Variants in CCDC92B observed in about 807,000 individuals in gnomAD.
CCDC92B encodes the protein coiled-coil domain-containing 92B.
A neutral mutation model predicts 5.6 loss-of-function variants in CCDC92B; 2 were observed. The observed-to-expected ratio is 0.36, with a 90% confidence interval of 0.15 to 1.12. The LOEUF (loss-of-function observed/expected upper bound fraction) is 1.12. Among genes scored for constraint, CCDC92B ranks in the 50% most tolerant of loss-of-function variants. The pLI, the probability that CCDC92B is intolerant of heterozygous loss-of-function variation, is 0.40. For missense variants in CCDC92B, 271 were observed against 262.2 expected, an observed-to-expected ratio of 1.03 and a Z score of -0.23; for synonymous variants, 115 against 122.3, an observed-to-expected ratio of 0.94 and a Z score of 0.39.
intron 3 of CCDC92B, among the ~76,000 whole-genome samples, chr17:2,727,288 C>T (rs1011105321): frequency 9.9e-5 from 15 of 152,252 alleles, no homozygotes; most frequent in Non-Finnish European, 1.6e-4. Flanking sequence ...TTAACCAGTG[C>T]TGTTTCCTGG....
intron 1 of CCDC92B, among the ~76,000 whole-genome samples, chr17:2,737,766 G>A (rs374702620): frequency 1.3e-5 from 2 of 151,894 alleles, no homozygotes; most frequent in Non-Finnish European, 2.9e-5. Flanking sequence ...GTGAGCCACC[G>A]CGTCCAGCCA....
intron 1 of CCDC92B, among the ~76,000 whole-genome samples, chr17:2,743,160 T>C (rs2070941786): frequency 6.6e-6 from 1 of 152,180 alleles, no homozygotes; most frequent in Non-Finnish European, 1.5e-5. Flanking sequence ...TCAGGCACGG[T>C]GGCTCACGCC....
intron 1 of CCDC92B, among the ~76,000 whole-genome samples, chr17:2,737,472 T>C (rs2070870223): frequency 8.2e-6 from 1 of 122,340 alleles, no homozygotes; most frequent in Admixed American, 8.2e-5. Context: ...TTTCTTTTTT[T>C]TTTTTTTTTT....
chr17:2,747,520 A>T lies in CCDC92B; in HGVS notation c.-24+1891T>A, dbSNP rs557449528. Among the ~76,000 whole-genome samples the T allele has an allele frequency of 4.6e-5, 7 of 152,262 alleles. No homozygotes were observed. In the East Asian group the frequency reaches 1.4e-3, roughly 29 times the overall value. ...CTGGGGCAGATCACCTGAGGTCAGG[A>T]GTTTGAGACCAGCCTGGCCAACATG... On this transcript the variant is annotated intron_variant, in intron 1 of 3. Transcript: ENST00000614400.
At chr17:2,731,741 G>T (rs2070797081) in intron 2 of CCDC92B, among the ~76,000 whole-genome samples, 1 of 152,232 alleles carries the variant, frequency 6.6e-6, no homozygotes, top group African/African-American at 2.4e-5. Flanking sequence ...GGACTCTGAT[G>T]CTTCTACCTC....
chr17:2,739,700 T>C (rs936437503), intron 1 of CCDC92B, among the ~76,000 whole-genome samples: 3 of 151,974 alleles, frequency 2.0e-5, no homozygotes, highest in African/African-American at 4.8e-5. Flanking sequence ...GATAGATAGA[T>C]AGATAGGTGA....
At chr17:2,726,721 C>A (rs1366910692) in intron 3 of CCDC92B, among the ~76,000 whole-genome samples, 1 of 152,056 alleles carries the variant, frequency 6.6e-6, no homozygotes, top group African/African-American at 2.4e-5. Context: ...TCAAGCGATT[C>A]TCCTGCCTCA....
chr17:2,740,619 T>C (rs554138592), intron 1 of CCDC92B, among the ~76,000 whole-genome samples: 2 of 151,950 alleles, frequency 1.3e-5, no homozygotes, highest in African/African-American at 4.8e-5. Context: ...GCCGACATCG[T>C]GCTACTGCAC....
chr17:2,736,915 A>T, intron 1 of CCDC92B, among the ~76,000 whole-genome samples: 1 of 135,518 alleles, frequency 7.4e-6, no homozygotes, highest in African/African-American at 3.0e-5. Flanking sequence ...AATAAATAAA[A>T]TACATACATA....
chr17:2,729,150 G>C (rs2070768171), intron 3 of CCDC92B, among the ~76,000 whole-genome samples: 1 of 152,024 alleles, frequency 6.6e-6, no homozygotes, highest in African/African-American at 2.4e-5. Context: ...GGGATTACAG[G>C]CGTGAGCCAC....
intron 2 of CCDC92B, among the ~76,000 whole-genome samples, chr17:2,732,580 G>A (rs1453832747): frequency 6.6e-6 from 1 of 152,130 alleles, no homozygotes; most frequent in Non-Finnish European, 1.5e-5. Context: ...AGCCAGGCAT[G>A]GTGGCGGGCA....
chr17:2,739,235 C>T (rs373051433), intron 1 of CCDC92B, among the ~76,000 whole-genome samples: 53 of 150,122 alleles, frequency 3.5e-4, no homozygotes, highest in East Asian at 3.3e-3. Flanking sequence ...GGTGTGGTGG[C>T]GGGCGCCTGT....
intron 2 of CCDC92B, among the ~76,000 whole-genome samples, chr17:2,732,251 C>T (rs554475757): frequency 3.3e-5 from 5 of 152,182 alleles, no homozygotes; most frequent in Non-Finnish European, 7.3e-5. Flanking sequence ...TCAGCTCCTA[C>T]ACCAGCCTCT....
At chr17:2,732,147 G>C (rs1320154948) in intron 2 of CCDC92B, among the ~76,000 whole-genome samples, 1 of 152,176 alleles carries the variant, frequency 6.6e-6, no homozygotes, top group Non-Finnish European at 1.5e-5. Context: ...TTATCAATCA[G>C]GCTGCTTCGC....
intron 3 of CCDC92B, among the ~76,000 whole-genome samples, chr17:2,725,771 A>G (rs2070721187): frequency 6.6e-6 from 1 of 151,916 alleles, no homozygotes; most frequent in Non-Finnish European, 1.5e-5. Flanking sequence ...TAACTGGAGA[A>G]TGTGACCTCA....
chr17:2,735,646 G>A (rs1314603500), intron 1 of CCDC92B, among the ~76,000 whole-genome samples: 1 of 152,162 alleles, frequency 6.6e-6, no homozygotes, highest in African/African-American at 2.4e-5. Flanking sequence ...GGCCAGGCTG[G>A]TCTTGAACTC....
intron 3 of CCDC92B, among the ~76,000 whole-genome samples, chr17:2,728,250 A>G (rs1055337879): frequency 6.6e-6 from 1 of 150,444 alleles, no homozygotes. Context: ...CCTAGGAGGC[A>G]GAGGTTGCAG....
chr17:2,736,158 G>T (rs150342745), intron 1 of CCDC92B, among the ~76,000 whole-genome samples: 1 of 152,130 alleles, frequency 6.6e-6, no homozygotes. Flanking sequence ...GGCCGGGCGC[G>T]GTGGCTCACA....
intron 1 of CCDC92B, among the ~76,000 whole-genome samples, chr17:2,740,263 T>C (rs757181796): frequency 6.6e-6 from 1 of 151,924 alleles, no homozygotes; most frequent in Non-Finnish European, 1.5e-5. Context: ...GTGATTAGGC[T>C]ATACACAAAG....
Sources: allele counts gnomAD v4.1 joint callset (sites outside exome capture counted in the v4.1 genomes callset), GRCh38; gene constraint gnomAD v4.1.1; transcripts MANE v1.5; gene names NCBI Gene and HGNC (gene_info 2026-07-23, HGNC 2026-07-21).